Variants in MED13L observed in about 807,000 individuals in gnomAD.
MED13L encodes the protein mediator of RNA polymerase II transcription subunit 13-like.
MED13L carries 7 observed loss-of-function variants against 220.9 expected under a neutral mutation model. The observed-to-expected ratio is 0.03, with a 90% CI of 0.02 to 0.06. The LOEUF is 0.06. Among genes scored for constraint, MED13L ranks in the 10% least tolerant of loss-of-function variants. MED13L has a pLI of 1.00. For missense variants in MED13L, 1,965 were observed against 2,760.5 expected, an observed-to-expected ratio of 0.71 and a Z score of 6.46; for synonymous variants, 1,011 against 1,015.2, an observed-to-expected ratio of 1.00 and a Z score of 0.08.
chr12:116,090,850 C>T (rs551843997), intron 4 of MED13L, among the ~76,000 whole-genome samples: 5 of 152,250 alleles, frequency 3.3e-5, no homozygotes, highest in African/African-American at 1.2e-4. Context: ...ATAGGTCAGG[C>T]GCAGTGGCTG....
intron 16 of MED13L, among the ~76,000 whole-genome samples, chr12:115,993,210 A>G (rs757643152): frequency 1.3e-5 from 2 of 152,220 alleles, no homozygotes; most frequent in Non-Finnish European, 2.9e-5. Context: ...TCCTGGAATC[A>G]ATCCCCCAAG....
chr12:116,151,922 T>G (rs1272246596), intron 2 of MED13L, among the ~76,000 whole-genome samples: 1 of 152,196 alleles, frequency 6.6e-6, no homozygotes, highest in East Asian at 1.9e-4. Flanking sequence ...TTGTCCAAGA[T>G]TCTCAAATAC....
At chr12:116,113,265 T>G (rs1375496790) in intron 2 of MED13L, among the ~76,000 whole-genome samples, 1 of 152,058 alleles carries the variant, frequency 6.6e-6, no homozygotes, top group Non-Finnish European at 1.5e-5. Context: ...CCACTTTTAT[T>G]TCCATAATTT....
At chr12:116,253,174 A>G (rs762103925) in intron 1 of MED13L, among the ~76,000 whole-genome samples, 5 of 143,898 alleles carry the variant, frequency 3.5e-5, no homozygotes, top group Non-Finnish European at 7.5e-5. Flanking sequence ...AGGCAGGAGA[A>G]TATCTTGAAC....
intron 2 of MED13L, chr12:116,181,383 C>T (rs780739060): frequency 3.1e-4 from 47 of 152,158 alleles, no homozygotes; most frequent in Admixed American, 1.3e-4. Flanking sequence ...CACAGGACAT[C>T]GCCAAACCTA....
At chr12:116,196,021 A>G (rs1202421508) in intron 2 of MED13L, among the ~76,000 whole-genome samples, 1 of 152,110 alleles carries the variant, frequency 6.6e-6, no homozygotes, top group Admixed American at 6.5e-5. Context: ...AAGAAGTTTT[A>G]AAGATATATT....
rs1015319637 is a variant in MED13L at position 116,072,447 on chromosome 12, A to G, written c.479+24222T>C. Among the ~76,000 whole-genome samples the G allele has an allele frequency of 2.1e-5, 3 of 145,264 alleles. No individual in the cohort carries two copies. In the Admixed American group the frequency reaches 2.2e-4, roughly 11 times the overall value. ...CACATGAAACATGCCTGTTTACAAT[A>G]CAGTTTTTGTTTTTTGTTTTTTGAG... On this transcript the variant is annotated intron_variant, in intron 4 of 30. Transcript: ENST00000281928.
In MED13L at chr12:115,958,671, CTTT is replaced by C; in HGVS notation, c.*2592_*2594del. Reference sequence around the variant, plus strand: ...TATGAATGACATTTAAAATGGAGGCCTTTTATTATTGTTTCTTTTTATCAAAGT... The same window carrying C: ...TATGAATGACATTTAAAATGGAGGCCTATTATTGTTTCTTTTTATCAAAGT... On this transcript the variant is annotated 3_prime_UTR_variant, in exon 31 of 31. Coordinates refer to ENST00000281928, the MANE Select transcript of MED13L (RefSeq NM_015335.5). The C allele has an allele frequency of 6.6e-6, 1 of 152,308 alleles. No individual in the cohort carries two copies. Among genetic ancestry groups the C allele is most frequent in the Middle Eastern group, 3.4e-3 (1 of 294 alleles). 9.4% of individuals were successfully genotyped at this position (152,308 alleles called of 1,614,324 possible).
intron 2 of MED13L, among the ~76,000 whole-genome samples, chr12:116,224,245 A>T (rs1249236716): frequency 6.6e-6 from 1 of 152,134 alleles, no homozygotes; most frequent in African/African-American, 2.4e-5. Flanking sequence ...ATTTTCAATC[A>T]ATTTCTCATC....
intron 1 of MED13L, among the ~76,000 whole-genome samples, chr12:116,243,713 T>C (rs561972454): frequency 7.9e-5 from 12 of 151,606 alleles, no homozygotes; most frequent in East Asian, 3.9e-4. Context: ...TCAAGAGACG[T>C]TGATTAGAAT....
At chr12:116,234,644 G>C (rs1035460973) in intron 2 of MED13L, among the ~76,000 whole-genome samples, 1 of 151,940 alleles carries the variant, frequency 6.6e-6, no homozygotes, top group Non-Finnish European at 1.5e-5. Flanking sequence ...CCTGCTAAAA[G>C]GATTCTGCTA....
At chr12:116,236,305 C>T (rs1870073353) in intron 2 of MED13L, among the ~76,000 whole-genome samples, 1 of 151,994 alleles carries the variant, frequency 6.6e-6, no homozygotes, top group Non-Finnish European at 1.5e-5. Flanking sequence ...ACAAATGGAC[C>T]ATAAAGTAAA....
At chr12:116,050,644 T>G (rs1362177313) in intron 4 of MED13L, among the ~76,000 whole-genome samples, 1 of 152,006 alleles carries the variant, frequency 6.6e-6, no homozygotes, top group Non-Finnish European at 1.5e-5. Context: ...ATAAGGAAAT[T>G]TACATCCATT....
chr12:116,031,675 AAAAAGAAAAGAAAAGAAAAGAAAAG>A (rs1173196797), intron 4 of MED13L, among the ~76,000 whole-genome samples: 39 of 68,132 alleles, frequency 5.7e-4, no homozygotes, highest in East Asian at 1.7e-3. Context: ...GGAGAAAAGA[AAAAAGAAAAGAAAAGAAAAGAAAAG>A]AAAAGAAAAG....
At chr12:116,070,225 G>A (rs1488188223) in intron 4 of MED13L, among the ~76,000 whole-genome samples, 1 of 152,124 alleles carries the variant, frequency 6.6e-6, no homozygotes, top group Non-Finnish European at 1.5e-5. Flanking sequence ...TGAAAGTCCA[G>A]AATTTAAATC....
At chr12:116,257,466 C>T (rs1477188532) in intron 1 of MED13L, among the ~76,000 whole-genome samples, 1 of 152,162 alleles carries the variant, frequency 6.6e-6, no homozygotes, top group African/African-American at 2.4e-5. Context: ...CACATTTCCA[C>T]CTCCTCCTAA....
intron 2 of MED13L, among the ~76,000 whole-genome samples, chr12:116,119,106 C>A (rs1172957011): frequency 6.6e-6 from 1 of 152,136 alleles, no homozygotes. Context: ...TTCATTATCA[C>A]TATCATTAAG....
intron 2 of MED13L, among the ~76,000 whole-genome samples, chr12:116,153,003 C>T (rs1445339158): frequency 6.6e-6 from 1 of 151,808 alleles, no homozygotes; most frequent in Non-Finnish European, 1.5e-5. Context: ...AGGTAGAACA[C>T]GCCCAGGTAG....
At chr12:116,137,568 T>C (rs571022638) in intron 2 of MED13L, among the ~76,000 whole-genome samples, 12 of 152,060 alleles carry the variant, frequency 7.9e-5, no homozygotes, top group African/African-American at 1.2e-4. Flanking sequence ...AATTATGAGG[T>C]ACTCATAATT....
Sources: gnomAD v4.1 joint callset for allele counts (sites outside exome capture counted in the v4.1 genomes callset) on GRCh38, gnomAD v4.1.1 for gene constraint, MANE v1.5 for transcripts, NCBI Gene and HGNC (gene_info 2026-07-23, HGNC 2026-07-21) for gene names.